Variants in SPC24 observed in about 807,000 individuals in gnomAD.
The protein encoded by SPC24 is SPC24 component of NDC80 kinetochore complex.
In SPC24, 31 loss-of-function variants were observed where a neutral mutation model predicts 27.6. The ratio of observed to expected loss-of-function variants is 1.12; its 90% CI spans 0.84 to 1.52. SPC24 has a LOEUF of 1.52. Ranked by LOEUF, SPC24 falls within the 40% of genes most tolerant of loss-of-function variation. SPC24 has a pLI of 0.00. For missense variants in SPC24, 284 were observed against 252.5 expected (o/e 1.12, Z -0.84); for synonymous variants, 105 against 105.8 (o/e 0.99, Z 0.05).
intron 1 of SPC24, among the ~76,000 whole-genome samples, chr19:11,153,874 T>C (rs1344273151): frequency 2.6e-5 from 4 of 151,070 alleles, no homozygotes; most frequent in Admixed American, 2.0e-4. Flanking sequence ...GAGACCATCC[T>C]GGCTAACACG....
At chr19:11,148,367 C>T (rs888597270) in intron 2 of SPC24, among the ~76,000 whole-genome samples, 2 of 152,060 alleles carry the variant, frequency 1.3e-5, no homozygotes, top group Non-Finnish European at 2.9e-5. Flanking sequence ...ACCACCATGC[C>T]CTGCTAATTT....
At chr19:11,155,572 C>A in intron 1 of SPC24, 45 bp downstream of exon 1, 1 of 1,520,164 alleles carries the variant, frequency 6.6e-7, no homozygotes. Context: ...TCCCAGCACC[C>A]GGGCCCCTTC....
At chr19:11,149,316 C>A in intron 1 of SPC24, 78 bp from the exon 2 acceptor site, 7 of 1,340,510 alleles carry the variant, frequency 5.2e-6, no homozygotes, top group Non-Finnish European at 6.9e-6. Context: ...TTCCACTTGC[C>A]TCCACTGGCA....
At chr19:11,151,305 C>A (rs971069816) in intron 1 of SPC24, among the ~76,000 whole-genome samples, 1 of 152,166 alleles carries the variant, frequency 6.6e-6, no homozygotes, top group African/African-American at 2.4e-5. Flanking sequence ...CAAGCCTCTC[C>A]GTCCCTCTGA....
At chr19:11,155,532 A>G (rs771546318) in intron 1 of SPC24, 85 bp downstream of exon 1, 211 of 1,427,834 alleles carry the variant, frequency 1.5e-4, no homozygotes, top group Admixed American at 1.9e-4. Context: ...CCAGGAGAGA[A>G]GGGGTTTTGA....
chr19:11,150,407 A>C (rs1242609656), intron 1 of SPC24, among the ~76,000 whole-genome samples: 1 of 151,712 alleles, frequency 6.6e-6, no homozygotes. Flanking sequence ...AATCACTTGA[A>C]CCTGGGAGGC....
intron 1 of SPC24, 116 bp downstream of exon 1, chr19:11,155,501 T>A (rs572030935): frequency 7.2e-6 from 9 of 1,242,256 alleles, no homozygotes; most frequent in Non-Finnish European, 9.7e-6. Context: ...CCAGGGGGCA[T>A]AGGGCAGGAG....
At chr19:11,155,543 G>A (rs960282111) in intron 1 of SPC24, 74 bp downstream of exon 1, 31 of 1,469,654 alleles carry the variant, frequency 2.1e-5, no homozygotes, top group African/African-American at 2.9e-5. Flanking sequence ...GGGGTTTTGA[G>A]GTGGGCCTGG....
chr19:11,149,813 T>G (rs893584099), intron 1 of SPC24, among the ~76,000 whole-genome samples: 1 of 150,528 alleles, frequency 6.6e-6, no homozygotes, highest in African/African-American at 2.4e-5. Flanking sequence ...CAGTTTCAAG[T>G]GATTCTCCTG....
intron 2 of SPC24, 90 bp from the exon 3 acceptor site, chr19:11,148,207 T>C: frequency 1.3e-6 from 1 of 794,956 alleles, no homozygotes; most frequent in Non-Finnish European, 2.1e-6. Flanking sequence ...TGGCTCTATT[T>C]ACGCACACTC....
chr19:11,154,053 G>A (rs745638849), intron 1 of SPC24, among the ~76,000 whole-genome samples: 1 of 143,496 alleles, frequency 7.0e-6, no homozygotes, highest in African/African-American at 2.6e-5. Context: ...CAGCCTGGGT[G>A]ACAGAGCAAG....
intron 1 of SPC24, 58 bp downstream of exon 1, chr19:11,155,559 C>A: frequency 6.7e-7 from 1 of 1,502,916 alleles, no homozygotes; most frequent in South Asian, 1.3e-5. Context: ...CCTGGTCGCC[C>A]CCTCCCAGCA....
Position 11,153,211 on chromosome 19 carries a change from C to T in SPC24, c.160+2406G>A, listed in dbSNP as rs543560184. ...CTGTAATCCCAGCACTTTGGGAGGT[C>T]GGGGCAGGTGGATCACGAGGTCAGG... On this transcript the variant is annotated intron_variant, in intron 1 of 4. Transcript: ENST00000592540. Among the ~76,000 whole-genome samples the T allele has an allele frequency of 9.9e-5, 15 of 150,982 alleles. No homozygotes were observed. The South Asian group carries it at 3.1e-3, about 32-fold the overall frequency.
At chr19:11,153,066 C>T (rs1326546666) in intron 1 of SPC24, among the ~76,000 whole-genome samples, 1 of 151,468 alleles carries the variant, frequency 6.6e-6, no homozygotes, top group African/African-American at 2.4e-5. Flanking sequence ...CTGCAGCTGT[C>T]AGGGAGAACC....
chr19:11,147,518 G>A (rs1351125180), intron 4 of SPC24: 23 of 567,258 alleles, frequency 4.1e-5, no homozygotes, highest in Middle Eastern at 4.7e-4. Flanking sequence ...ATGCCACCAC[G>A]CCTGGCCTCA....
At chr19:11,152,731 C>T (rs1447239284) in intron 1 of SPC24, among the ~76,000 whole-genome samples, 1 of 152,026 alleles carries the variant, frequency 6.6e-6, no homozygotes, top group Non-Finnish European at 1.5e-5. Flanking sequence ...TCACATCTTT[C>T]TCCTCAAGCC....
rs535076471 is a variant in SPC24, at chr19:11,147,139, G to A, written c.*44C>T. 1.6e-4 allele frequency: 198 copies of A among 1,226,780 alleles called. No homozygotes were observed. Among genetic ancestry groups the A allele is most frequent in the East Asian group, 4.7e-4 (18 of 38,440 alleles). The allele number at this position is 1,226,780 out of a possible 1,614,324, so 76.0% of individuals were successfully genotyped here. The stretch of plus-strand genomic sequence containing the variant: ...TTTCATTTGAAATGGATCTGACCAC[G>A]GCAGATGCCCGCTGGGTGCAAGACG... On this transcript the variant is annotated 3_prime_UTR_variant, in exon 5 of 5. Coordinates refer to ENST00000592540, the MANE Select transcript of SPC24 (RefSeq NM_182513.4).
rs2077833552 is a variant in SPC24, at chr19:11,147,276, G to A, written c.501C>T (p.Pro167=). The A allele has an allele frequency of 1.3e-6, 2 of 1,566,610 alleles. No homozygotes were observed. The highest frequency in any genetic ancestry group is 1.9e-5 in the Admixed American group (1 of 53,082). ...PGMVKGIHHG[P]SVAQPIHLDS... ...CCAGGTGGATGGGCTGGGCCACACT[G>A]GGGCCATGATGGACTGAGGCACAGA... Residue 167 remains proline, a synonymous_variant, in exon 5 of 5, where the codon CCC becomes CCT. Coordinates refer to ENST00000592540, the MANE Select transcript of SPC24 (RefSeq NM_182513.4).
Position 11,145,929 on chromosome 19 carries a change from T to G in SPC24, c.*1254A>C, listed in dbSNP as rs2077820269. ...ACCACACCAGGCCAAATTTTTTAAT[T>G]TTTTTGTAGAGATGGGGTCTTGCCA... On this transcript the variant is annotated 3_prime_UTR_variant, in exon 5 of 5. Transcript: ENST00000592540. The G allele has an allele frequency of 6.6e-6, 1 of 152,376 alleles. No homozygotes were observed. The highest frequency in any genetic ancestry group is 1.5e-5 in the Non-Finnish European group (1 of 68,224). 9.4% of individuals were successfully genotyped at this position (152,376 alleles called of 1,614,324 possible).
Sources: allele counts gnomAD v4.1 joint callset (sites outside exome capture counted in the v4.1 genomes callset), GRCh38; gene constraint gnomAD v4.1.1; transcripts MANE v1.5; gene names NCBI Gene and HGNC (gene_info 2026-07-23, HGNC 2026-07-21).